The following NAP1L4 variants were observed in gnomAD, a reference collection of about 807,000 sequenced individuals.
The protein encoded by NAP1L4 is nucleosome assembly protein 1 like 4, also known as nucleosome assembly protein 1-like 4.
A neutral mutation model predicts 58.2 loss-of-function variants in NAP1L4; 15 were observed. The ratio of observed to expected loss-of-function variants is 0.26; its 90% confidence interval spans 0.17 to 0.40. The LOEUF (loss-of-function observed/expected upper bound fraction) is 0.40, where lower values mean the gene tolerates loss of function less well. Ranked by LOEUF, NAP1L4 falls within the 10% of genes least tolerant of loss-of-function variation. NAP1L4 has a pLI of 1.00. For synonymous variants in NAP1L4, 171 were observed against 155.6 expected (o/e 1.10, Z -0.74); for missense variants, 384 against 451.1 (o/e 0.85, Z 1.35).
chr11:2,984,430 G>A (rs1408316866), intron 1 of NAP1L4, among the ~76,000 whole-genome samples: 1 of 152,018 alleles, frequency 6.6e-6, no homozygotes, highest in Non-Finnish European at 1.5e-5. Context: ...AATTAGCCGG[G>A]CATGGTGGCG....
chr11:2,980,170 T>C (rs561178479), intron 1 of NAP1L4, among the ~76,000 whole-genome samples: 1 of 152,184 alleles, frequency 6.6e-6, no homozygotes, highest in Non-Finnish European at 1.5e-5. Flanking sequence ...ATAGAAGAAC[T>C]TGATATTAAT....
At chr11:2,972,305 C>T in intron 4 of NAP1L4, 62 bp from the exon 5 acceptor site, 2 of 1,428,886 alleles carry the variant, frequency 1.4e-6, no homozygotes, top group Non-Finnish European at 1.9e-6. Context: ...GCATGCTTTT[C>T]AATTTTATTA....
At chr11:2,991,657 A>G (rs1450889964) in intron 1 of NAP1L4, 1 of 153,056 alleles carries the variant, frequency 6.5e-6, no homozygotes, top group Admixed American at 6.5e-5. Context: ...CCCGTCAGAC[A>G]TGCCCTCGGC....
Position 2,972,263 on chromosome 11 carries a change from A to T in NAP1L4, c.174-20T>A. On this transcript the variant is annotated intron_variant, in intron 4 of 15. Transcript: ENST00000380542. ...GGTAAACTAAAAAAGGGAGTAAGAA[A>T]TACAACATCCTCATGCCTGCAAAAT... 1 of 1,587,218 alleles carries T rather than the reference A, an allele frequency of 6.3e-7. No homozygotes were observed. The highest frequency in any genetic ancestry group is 1.8e-4 in the Middle Eastern group (1 of 5,600).
At chr11:2,991,132 C>G (rs1019553999) in intron 1 of NAP1L4, 8 of 456,296 alleles carry the variant, frequency 1.8e-5, no homozygotes, top group Non-Finnish European at 3.1e-5. Flanking sequence ...GCCAGAGGAG[C>G]GCACAGTCAC....
At chr11:2,963,989 G>A in intron 8 of NAP1L4, 1 of 473,738 alleles carries the variant, frequency 2.1e-6, no homozygotes, top group South Asian at 1.6e-5. Flanking sequence ...ACCTAGTCAA[G>A]CTTATCTTAC....
At chr11:2,953,310 G>A (rs1041552448) in intron 12 of NAP1L4, among the ~76,000 whole-genome samples, 1 of 152,206 alleles carries the variant, frequency 6.6e-6, no homozygotes, top group Non-Finnish European at 1.5e-5. Flanking sequence ...TTAAACTGAC[G>A]GGTGTATGAT....
chr11:2,976,831 T>C (rs1476561752), intron 3 of NAP1L4, among the ~76,000 whole-genome samples: 1 of 152,220 alleles, frequency 6.6e-6, no homozygotes, highest in African/African-American at 2.4e-5. Flanking sequence ...TTTACCCAGT[T>C]GTGACTATGA....
chr11:2,957,402 G>A (rs750045318), intron 10 of NAP1L4, among the ~76,000 whole-genome samples: 1 of 152,208 alleles, frequency 6.6e-6, no homozygotes, highest in Non-Finnish European at 1.5e-5. Context: ...GAACTCTGAA[G>A]GGCAGCTTGA....
At chr11:2,953,351 G>T (rs1270204414) in intron 12 of NAP1L4, among the ~76,000 whole-genome samples, 1 of 152,242 alleles carries the variant, frequency 6.6e-6, no homozygotes, top group East Asian at 1.9e-4. Context: ...TTTCCAATGT[G>T]TAGCCACTAG....
Position 2,971,559 on chromosome 11 carries a change from G to A in NAP1L4, c.316-25C>T, listed in dbSNP as rs1326617929. 1.9e-6 allele frequency: 3 copies of A among 1,588,322 alleles called. No homozygotes were observed. Among genetic ancestry groups the A allele is most frequent in the Non-Finnish European group, 2.6e-6 (3 of 1,159,750 alleles). On this transcript the variant is annotated intron_variant, in intron 5 of 15. Coordinates refer to ENST00000380542, the MANE Select transcript of NAP1L4 (RefSeq NM_005969.4). The surrounding 1 kb of genome is among the most constrained non-coding windows in gnomAD (Gnocchi z 4.2). ...TCTACATAAAAATGAGACCTTATTA[G>A]AATTATGTTATTAGCTTACTTAGGA...
chr11:2,973,025 G>A (rs916358786), intron 4 of NAP1L4, among the ~76,000 whole-genome samples: 25 of 152,294 alleles, frequency 1.6e-4, no homozygotes, highest in Admixed American at 2.6e-4. Flanking sequence ...TGGAGTGTCC[G>A]TCGATAGATC....
At chr11:2,961,938 A>G (rs1304212000) in intron 8 of NAP1L4, among the ~76,000 whole-genome samples, 1 of 152,234 alleles carries the variant, frequency 6.6e-6, no homozygotes, top group Non-Finnish European at 1.5e-5. Flanking sequence ...ATGATTCAAG[A>G]AACTGTTTAG....
At chr11:2,966,017 A>G (rs1460689956) in intron 7 of NAP1L4, among the ~76,000 whole-genome samples, 1 of 152,224 alleles carries the variant, frequency 6.6e-6, no homozygotes, top group Non-Finnish European at 1.5e-5. Context: ...CAGTGAGGAA[A>G]GTCAGAAGAG....
Position 2,954,418 on chromosome 11 carries a change from T to C in NAP1L4, c.1035+109A>G, listed in dbSNP as rs1200099888. On this transcript the variant is annotated intron_variant, in intron 12 of 15. Transcript: ENST00000380542. The surrounding 1 kb of genome is among the most constrained non-coding windows in gnomAD (Gnocchi z 4.8). ...CTTGGACTACATATCTGGCTGATGA[T>C]GTAATAAAAAGATTAGGCATGGGGG... is the stretch of plus-strand genomic sequence containing the variant. 5 of 1,480,254 alleles carry C rather than the reference T, an allele frequency of 3.4e-6. No homozygotes were observed. In the South Asian group the frequency reaches 4.6e-5, roughly 14 times the overall value. 91.7% of individuals were successfully genotyped at this position (1,480,254 alleles called of 1,614,324 possible).
In NAP1L4 at chr11:2,955,761, CG is replaced by C. The variant is rs1564975102; in HGVS notation, c.897del (p.Asp301MetfsTer13). 1 of 1,612,672 alleles carries C rather than the reference CG, an allele frequency of 6.2e-7. No individual in the cohort carries two copies. Among genetic ancestry groups the C allele is most frequent in the Admixed American group, 1.7e-5 (1 of 59,862 alleles). ...AATCTTACCAGTGATTCTCCATCCC[CG>C]GATGCTAGAAAAAGAAAAGACAAAA... ...FFNFFNPLKA[S>X]GDGESLDEDS... On this transcript the variant is annotated frameshift_variant, in exon 11 of 16. Transcript: ENST00000380542. LOFTEE classifies it high-confidence loss of function. The surrounding 1 kb of genome is among the most constrained non-coding windows in gnomAD (Gnocchi z 4.2).
rs551017887 is a variant in NAP1L4, at chr11:2,959,357, C to T, written c.746+413G>A. 6.6e-6 allele frequency among the ~76,000 whole-genome samples: 1 copy of T among 152,310 alleles called. No homozygotes were observed. The highest frequency in any genetic ancestry group is 2.4e-5 in the African/African-American group (1 of 41,570). On this transcript the variant is annotated intron_variant, in intron 9 of 15. Coordinates refer to ENST00000380542, the MANE Select transcript of NAP1L4 (RefSeq NM_005969.4). This position sits in a 1 kb window ranked among gnomAD's most constrained non-coding sequence, Gnocchi z 4.9. ...AGTGAGTCAAACAACAGCTATGCTG[C>T]CCCCACCTATTTCCAAAGCAATCAG...
intron 1 of NAP1L4, among the ~76,000 whole-genome samples, chr11:2,987,558 C>A (rs774190294): frequency 6.6e-6 from 1 of 151,296 alleles, no homozygotes; most frequent in Admixed American, 6.6e-5. Context: ...GAGTTCGAGA[C>A]CAGCCTGACC....
rs1451765837 is a variant in NAP1L4 at position 2,955,543 on chromosome 11, G to C, written c.915+201C>G. On this transcript the variant is annotated intron_variant, in intron 11 of 15. Transcript: ENST00000380542. This position sits in a 1 kb window ranked among gnomAD's most constrained non-coding sequence, Gnocchi z 4.2. ...TGGTTTTAATTTTTTGTGGAGATGGGGTTGTGCTATGTTGCCCAGGCTGGT... is the reference window on the plus strand; with the variant it reads ...TGGTTTTAATTTTTTGTGGAGATGGCGTTGTGCTATGTTGCCCAGGCTGGT... Among the ~76,000 whole-genome samples, 1 of 151,916 alleles carries C rather than the reference G, an allele frequency of 6.6e-6. No individual in the cohort carries two copies. Among genetic ancestry groups the C allele is most frequent in the Non-Finnish European group, 1.5e-5 (1 of 67,990 alleles).
Sources: allele counts gnomAD v4.1 joint callset (sites outside exome capture counted in the v4.1 genomes callset), GRCh38; gene constraint gnomAD v4.1.1; non-coding constraint Gnocchi (gnomAD v3.1); transcripts MANE v1.5; gene names NCBI Gene and HGNC (gene_info 2026-07-23, HGNC 2026-07-21).